EDEM3: variants seen among roughly 807,000 people sequenced by gnomAD.
EDEM3 encodes the protein ER degradation-enhancing alpha-mannosidase-like protein 3.
A neutral mutation model predicts 110.2 loss-of-function variants in EDEM3; 60 were observed. The ratio of observed to expected loss-of-function variants is 0.54; its 90% confidence interval spans 0.44 to 0.67. EDEM3 has a LOEUF of 0.67. Among genes scored for constraint, EDEM3 ranks in the 30% least tolerant of loss-of-function variants. The pLI is 0.00. For missense variants in EDEM3, 996 were observed against 1,121.0 expected, an observed-to-expected ratio of 0.89 and a Z score of 1.59; for synonymous variants, 352 against 382.9, an observed-to-expected ratio of 0.92 and a Z score of 0.94.
intron 19 of EDEM3, among the ~76,000 whole-genome samples, chr1:184,699,913 T>A (rs1170393842): frequency 4.6e-5 from 7 of 151,962 alleles, no homozygotes; most frequent in African/African-American, 1.7e-4. Context: ...CTCTTAATTG[T>A]AAACTGCTTC....
chr1:184,754,524 G>C lies in EDEM3; in HGVS notation c.123C>G (p.Ala41=). ...GTTTCTCCTCCCTACTCATGGGCTC[G>C]GCCCCCGCCGTCCACACGGAGGTGG... ...VSATSVWTAG[A]EPMSREEKQK... is the part of the protein sequence containing the mutation. Residue 41 remains alanine (A), a synonymous_variant, in exon 1 of 20, where the codon GCC becomes GCG. Transcript: ENST00000318130. 6.2e-7 allele frequency: 1 copy of C among 1,613,012 alleles called. No homozygotes were observed. The highest frequency in any genetic ancestry group is 8.5e-7 in the Non-Finnish European group (1 of 1,179,758).
intron 19 of EDEM3, among the ~76,000 whole-genome samples, chr1:184,697,964 G>A (rs943697242): frequency 4.0e-5 from 6 of 151,418 alleles, no homozygotes; most frequent in East Asian, 1.9e-4. Flanking sequence ...ATTTCTTTAT[G>A]AGTATGTATG....
intron 2 of EDEM3, among the ~76,000 whole-genome samples, chr1:184,741,372 C>T (rs1013652981): frequency 6.6e-6 from 1 of 151,602 alleles, no homozygotes; most frequent in Non-Finnish European, 1.5e-5. Flanking sequence ...GCACTCCAGC[C>T]TGGGCAACAA....
At chr1:184,714,530 T>A (rs1383260742) in intron 13 of EDEM3, among the ~76,000 whole-genome samples, 3 of 151,952 alleles carry the variant, frequency 2.0e-5, no homozygotes, top group East Asian at 3.9e-4. Context: ...ACAGTGATAG[T>A]GCTTAGATCT....
chr1:184,701,970 C>T (rs1441608689), intron 19 of EDEM3, among the ~76,000 whole-genome samples: 1 of 151,880 alleles, frequency 6.6e-6, no homozygotes, highest in African/African-American at 2.4e-5. Flanking sequence ...TGTCAAACAC[C>T]CCAGGGGATG....
At chr1:184,742,539 C>A (rs892039362) in intron 2 of EDEM3, among the ~76,000 whole-genome samples, 4 of 152,136 alleles carry the variant, frequency 2.6e-5, no homozygotes, top group South Asian at 4.2e-4. Flanking sequence ...TACAGGTGTG[C>A]GCCACCATAC....
At chr1:184,722,273 A>T (rs994030029) in intron 8 of EDEM3, among the ~76,000 whole-genome samples, 1 of 152,018 alleles carries the variant, frequency 6.6e-6, no homozygotes, top group Non-Finnish European at 1.5e-5. Flanking sequence ...ATATTATGTT[A>T]TTTTAAATCT....
chr1:184,719,290 A>AT, intron 10 of EDEM3, 45 bp from the exon 11 acceptor site: 1 of 1,510,344 alleles, frequency 6.6e-7, no homozygotes, highest in Non-Finnish European at 8.9e-7. Flanking sequence ...ATATGAGCTG[A>AT]TTTTATCTCT....
intron 4 of EDEM3, among the ~76,000 whole-genome samples, 187 bp from the exon 5 acceptor site, chr1:184,734,830 C>T (rs1651733761): frequency 1.3e-5 from 2 of 152,108 alleles, no homozygotes; most frequent in Non-Finnish European, 2.9e-5. Context: ...TCTAATTATA[C>T]AGCATCTTTA....
Position 184,694,324 on chromosome 1 carries a change from T to C in EDEM3, c.2538A>G (p.Ser846=), listed in dbSNP as rs763601337. 7.4e-6 allele frequency: 12 copies of C among 1,613,182 alleles called. 1 individual carries two copies. In the South Asian group the frequency reaches 1.3e-4, roughly 18 times the overall value. Residue 846 remains serine, a synonymous_variant, in exon 20 of 20, where the codon TCA becomes TCG. Transcript: ENST00000318130. ...EENSLNSHPE[S]LSLADMDNAA... is the part of the protein sequence containing the mutation. ...CATTGTCCATATCTGCTAGAGATAA[T>C]GATTCTGGGTGAGAATTTAGAGAAT...
At chr1:184,727,345 T>C (rs1406249563) in intron 6 of EDEM3, among the ~76,000 whole-genome samples, 1 of 152,106 alleles carries the variant, frequency 6.6e-6, no homozygotes, top group Non-Finnish European at 1.5e-5. Context: ...TGATTAAAAT[T>C]AGAATATTTT....
At chr1:184,731,081 G>A (rs899181655) in intron 6 of EDEM3, among the ~76,000 whole-genome samples, 1 of 152,138 alleles carries the variant, frequency 6.6e-6, no homozygotes, top group African/African-American at 2.4e-5. Flanking sequence ...AGTGATACTG[G>A]TTTTTCAAGT....
At chr1:184,724,044 A>T (rs549026351) in intron 7 of EDEM3, among the ~76,000 whole-genome samples, 188 bp from the exon 8 acceptor site, 1 of 151,982 alleles carries the variant, frequency 6.6e-6, no homozygotes, top group Non-Finnish European at 1.5e-5. Flanking sequence ...TTTTTCAACC[A>T]ATCAGTGTAG....
At chr1:184,753,412 T>G (rs1338660681) in intron 1 of EDEM3, among the ~76,000 whole-genome samples, 9 of 151,850 alleles carry the variant, frequency 5.9e-5, no homozygotes, top group Admixed American at 5.9e-4. Flanking sequence ...ATGCACTTTT[T>G]TTTTTTTTTT....
At chr1:184,754,273 C>A (rs568671626) in intron 1 of EDEM3, among the ~76,000 whole-genome samples, 1 of 152,190 alleles carries the variant, frequency 6.6e-6, no homozygotes, top group Non-Finnish European at 1.5e-5. Context: ...ATGTCACCGG[C>A]GGCCAGGGCG....
rs755039079 is a variant in EDEM3 at position 184,694,375 on chromosome 1, C to A, written c.2487G>T (p.Leu829Phe). 1.3e-5 allele frequency: 21 copies of A among 1,612,492 alleles called. No homozygotes were observed. The highest frequency in any genetic ancestry group is 1.5e-5 in the Non-Finnish European group (18 of 1,179,504). Residue 829 changes from leucine to phenylalanine, a missense_variant, in exon 20 of 20, where the codon TTG (leucine) becomes TTT (phenylalanine). Transcript: ENST00000318130. ...QISSSSQEVD[L>F]VDQESSEENS... Reference sequence around the variant, plus strand: ...TTTCCTCAGAAGACTCTTGATCAACCAAATCAACCTCCTGAGAACTTGATG... The same window carrying A: ...TTTCCTCAGAAGACTCTTGATCAACAAAATCAACCTCCTGAGAACTTGATG...
rs183576086 is a variant in EDEM3, at chr1:184,716,807, T to C, written c.1370+81A>G. On this transcript the variant is annotated intron_variant, in intron 13 of 19. Transcript: ENST00000318130. ...CTATCCTTTGTAAAAGAATTAAACT[T>C]ATTTGAATCCTAAATGGTAGCTGCA... 354 of 1,553,908 alleles carry C rather than the reference T, an allele frequency of 2.3e-4. 4 individuals carry two copies. The African/African-American group carries it at 4.4e-3, about 19-fold the overall frequency.
intron 2 of EDEM3, among the ~76,000 whole-genome samples, chr1:184,749,302 G>C (rs1652618453): frequency 6.6e-6 from 1 of 152,090 alleles, no homozygotes; most frequent in Non-Finnish European, 1.5e-5. Flanking sequence ...AATGATAATT[G>C]TTGATGGCAC....
At chr1:184,712,041 C>T (rs977233255) in intron 14 of EDEM3, among the ~76,000 whole-genome samples, 164 bp from the exon 15 acceptor site, 3 of 152,006 alleles carry the variant, frequency 2.0e-5, no homozygotes, top group South Asian at 2.1e-4. Context: ...ATTCTCCTGC[C>T]TCAGCCTTCC....
Sources: gnomAD v4.1 joint callset for allele counts (sites outside exome capture counted in the v4.1 genomes callset) on GRCh38, gnomAD v4.1.1 for gene constraint, MANE v1.5 for transcripts, NCBI Gene and HGNC (gene_info 2026-07-23, HGNC 2026-07-21) for gene names.